TMPRSS15: variants seen among roughly 807,000 people sequenced by gnomAD.
TMPRSS15 encodes the protein enteropeptidase.
Under a neutral mutation model 125.3 loss-of-function variants are expected in TMPRSS15, and 128 were observed. That is an observed-to-expected ratio of 1.02 (90% CI 0.89 to 1.18). TMPRSS15 has a LOEUF of 1.18. Among genes scored for constraint, TMPRSS15 ranks in the 50% most tolerant of loss-of-function variants. The pLI is 0.00. For missense variants in TMPRSS15, 1,283 were observed against 1,212.7 expected, an observed-to-expected ratio of 1.06 and a Z score of -0.86; for synonymous variants, 446 against 423.2, an observed-to-expected ratio of 1.05 and a Z score of -0.66.
intron 16 of TMPRSS15, among the ~76,000 whole-genome samples, chr21:18,315,928 G>A (rs926573291): frequency 7.1e-5 from 10 of 140,238 alleles, no homozygotes; most frequent in Admixed American, 2.9e-4. Flanking sequence ...AGCAAATGAC[G>A]AGTTAATGGG....
At chr21:18,314,007 C>T (rs1349710438) in intron 17 of TMPRSS15, among the ~76,000 whole-genome samples, 5 of 152,056 alleles carry the variant, frequency 3.3e-5, no homozygotes, top group East Asian at 3.9e-4. Flanking sequence ...CATTAGTGGC[C>T]AGGTAGGGAC....
chr21:18,353,081 A>G, intron 9 of TMPRSS15, 29 bp from the exon 10 acceptor site: 2 of 1,597,562 alleles, frequency 1.3e-6, no homozygotes, highest in Non-Finnish European at 1.7e-6. Context: ...AAGGAATAAA[A>G]AAAATTTAGT....
At position 18,294,613 on chromosome 21, in the gene TMPRSS15, A is replaced by T. The variant is rs761081488; in HGVS notation, c.2301T>A (p.Cys767Ter). ...CLQDSLIRLQ[C>*]NHKSCGKKLA... ...AACATATTTACTTACATTTATGGTT[A>T]CACTGTAACCGAATCAAGGAATCCT... is the stretch of plus-strand genomic sequence containing the variant. Residue 767 changes from cysteine to a stop codon, truncating the protein, a stop_gained, in exon 20 of 25, where the codon TGT (cysteine) becomes TGA (stop). Transcript: ENST00000284885. LOFTEE classifies it high-confidence loss of function. 6.2e-7 allele frequency: 1 copy of T among 1,611,658 alleles called. No individual in the cohort carries two copies. Among genetic ancestry groups the T allele is most frequent in the Non-Finnish European group, 8.5e-7 (1 of 1,177,828 alleles).
At chr21:18,382,059 G>C (rs896340509) in intron 4 of TMPRSS15, among the ~76,000 whole-genome samples, 18 of 151,936 alleles carry the variant, frequency 1.2e-4, no homozygotes, top group Admixed American at 9.8e-4. Context: ...ATTGTTCAAA[G>C]ATAAAAACAT....
At chr21:18,287,330 G>A (rs1236904595) in intron 21 of TMPRSS15, among the ~76,000 whole-genome samples, 1 of 152,110 alleles carries the variant, frequency 6.6e-6, no homozygotes, top group African/African-American at 2.4e-5. Flanking sequence ...CAGGTAACGG[G>A]CAGAGTTGCG....
At chr21:18,466,506 A>G (rs187419990) in intron 1 of TMPRSS15, among the ~76,000 whole-genome samples, 1 of 152,202 alleles carries the variant, frequency 6.6e-6, no homozygotes, top group Non-Finnish European at 1.5e-5. Flanking sequence ...AATTTTTGCA[A>G]TCTATCCATC....
intron 24 of TMPRSS15, among the ~76,000 whole-genome samples, chr21:18,271,240 A>ATATT (rs2074552038): frequency 6.6e-6 from 1 of 152,222 alleles, no homozygotes. Flanking sequence ...AGGTTCTGAA[A>ATATT]TATTTATGGA....
intron 3 of TMPRSS15, among the ~76,000 whole-genome samples, chr21:18,384,431 C>A (rs2075923435): frequency 6.6e-6 from 1 of 152,110 alleles, no homozygotes; most frequent in Non-Finnish European, 1.5e-5. Flanking sequence ...GCATGATCTC[C>A]AAACATAGCA....
chr21:18,449,621 A>C (rs2076263046), intron 1 of TMPRSS15, among the ~76,000 whole-genome samples: 1 of 152,116 alleles, frequency 6.6e-6, no homozygotes, highest in Non-Finnish European at 1.5e-5. Context: ...CTATGAGCTA[A>C]ATCATGTACA....
intron 15 of TMPRSS15, among the ~76,000 whole-genome samples, chr21:18,328,763 TAA>T (rs2075316807): frequency 1.3e-5 from 2 of 152,124 alleles, no homozygotes; most frequent in African/African-American, 4.8e-5. Context: ...TAAAAATAAC[TAA>T]AAGAATATAA....
intron 16 of TMPRSS15, among the ~76,000 whole-genome samples, chr21:18,325,876 G>A (rs181492966): frequency 5.9e-5 from 9 of 151,524 alleles, no homozygotes; most frequent in East Asian, 1.9e-4. Context: ...TGAACATGCC[G>A]CTATTTTGTT....
upstream of TMPRSS15, among the ~76,000 whole-genome samples, chr21:18,404,417 G>T (rs1414542004): frequency 1.3e-5 from 2 of 152,162 alleles, no homozygotes; most frequent in African/African-American, 4.8e-5. Context: ...GGAAGACATT[G>T]CTCACTTGCC....
At chr21:18,277,712 T>C (rs967242576) in intron 23 of TMPRSS15, among the ~76,000 whole-genome samples, 1 of 152,242 alleles carries the variant, frequency 6.6e-6, no homozygotes, top group African/African-American at 2.4e-5. Flanking sequence ...TGAGACCCTC[T>C]ACCTTTCCAC....
chr21:18,479,801 T>G (rs1978947142), intron 1 of TMPRSS15, among the ~76,000 whole-genome samples: 1 of 152,192 alleles, frequency 6.6e-6, no homozygotes, highest in African/African-American at 2.4e-5. Context: ...GATGGTAAAT[T>G]AGTTCAGCCA....
At chr21:18,397,269 A>C (rs763777627) in intron 3 of TMPRSS15, among the ~76,000 whole-genome samples, 6 of 152,278 alleles carry the variant, frequency 3.9e-5, no homozygotes, top group South Asian at 2.1e-4. Flanking sequence ...AGCAACAACA[A>C]CACACAGGTC....
At chr21:18,293,118 TGATATAATG>T (rs1291251273) in intron 21 of TMPRSS15, among the ~76,000 whole-genome samples, 3 of 152,206 alleles carry the variant, frequency 2.0e-5, no homozygotes, top group African/African-American at 7.2e-5. Context: ...ACTTTCACTC[TGATATAATG>T]GGTATTTAGG....
At position 18,365,201 on chromosome 21, in the gene TMPRSS15, A is replaced by C. The variant is rs774964633; in HGVS notation, c.712T>G (p.Phe238Val). 1.5e-5 allele frequency: 25 copies of C among 1,614,014 alleles called. No individual in the cohort carries two copies. Among genetic ancestry groups the C allele is most frequent in the Non-Finnish European group, 1.5e-5 (18 of 1,180,018 alleles). ...GGTTTTGGATAATGAGTAGCCTGGA[A>C]AGACCCAGATGATCCAGTTAACAAA... is the stretch of plus-strand genomic sequence containing the variant. ...RFLLTGSSGS[F>V]QATHYPKPSE... The change falls in exon 7 of 25, where the codon TTC becomes GTC. Residue 238 changes from phenylalanine to valine, a missense_variant. Transcript: ENST00000284885.
At position 18,320,845 on chromosome 21, in the gene TMPRSS15, C is replaced by T. The variant is rs147112400; in HGVS notation, c.1921+5587G>A. On this transcript the variant is annotated intron_variant, in intron 16 of 24. Transcript: ENST00000284885. ...GTCTTTAATCCAACAGTTTAACTCT[C>T]TCTGGACTCTTGAAATCTTATTTCT... Among the ~76,000 whole-genome samples, 766 of 152,294 alleles carry T rather than the reference C, an allele frequency of 5.0e-3. 8 individuals are homozygous for T. The highest frequency in any genetic ancestry group is 0.017 in the African/African-American group (719 of 41,560).
intron 1 of TMPRSS15, among the ~76,000 whole-genome samples, chr21:18,419,603 T>C (rs1435951988): frequency 1.3e-5 from 2 of 152,196 alleles, no homozygotes; most frequent in African/African-American, 2.4e-5. Context: ...TGTGTGTGTA[T>C]GTCCCAAATT....
Sources: gnomAD v4.1 joint callset for allele counts (sites outside exome capture counted in the v4.1 genomes callset) on GRCh38, gnomAD v4.1.1 for gene constraint, MANE v1.5 for transcripts, NCBI Gene and HGNC (gene_info 2026-07-23, HGNC 2026-07-21) for gene names.